EPHA6: variants seen among roughly 807,000 people sequenced by gnomAD.
The protein encoded by EPHA6 is EPH receptor A6, also known as ephrin type-A receptor 6.
EPHA6 carries 50 observed loss-of-function variants against 112.0 expected under a neutral mutation model. The observed-to-expected ratio is 0.45, with a 90% CI of 0.36 to 0.56. EPHA6 has a LOEUF of 0.56. Ranked by LOEUF, EPHA6 falls within the 20% of genes least tolerant of loss-of-function variation. The pLI is 0.00. For missense variants in EPHA6, 1,280 were observed against 1,417.4 expected (o/e 0.90, Z 1.56); for synonymous variants, 529 against 490.7 (o/e 1.08, Z -1.03).
chr3:97,098,043 TCA>T (rs1382060986), intron 3 of EPHA6, among the ~76,000 whole-genome samples: 1 of 151,968 alleles, frequency 6.6e-6, no homozygotes, highest in African/African-American at 2.4e-5. Context: ...ATAATGGCAC[TCA>T]CATAATATTT....
chr3:96,987,985 C>A lies in EPHA6; in HGVS notation c.1106C>A (p.Ser369Tyr). Residue 369 changes from serine to tyrosine, a missense_variant, in exon 3 of 18, where the codon TCT becomes TAT. By Grantham distance (144) the Ser-to-Tyr change is moderately radical. Around this residue, in one of 4 missense-constraint regions of EPHA6, gnomAD observed 878 missense variants for 999.7 expected, o/e 0.88. Coordinates refer to ENST00000389672, the MANE Select transcript of EPHA6 (RefSeq NM_001080448.3). ...CSTGYEEIEG[S>Y]CHACRPGFYK... is the part of the protein sequence containing the mutation. Reference sequence around the variant, plus strand: ...ACAGGATATGAAGAAATTGAGGGTTCTTGCCATGGTAAGAAACAAACATTT... The same window carrying A: ...ACAGGATATGAAGAAATTGAGGGTTATTGCCATGGTAAGAAACAAACATTT... The A allele has an allele frequency of 6.5e-7, 1 of 1,549,138 alleles. No individual in the cohort carries two copies. Among genetic ancestry groups the A allele is most frequent in the South Asian group, 1.2e-5 (1 of 80,618 alleles).
intron 16 of EPHA6, among the ~76,000 whole-genome samples, chr3:97,737,975 T>G (rs1247540315): frequency 1.3e-5 from 2 of 152,064 alleles, no homozygotes; most frequent in Non-Finnish European, 2.9e-5. Flanking sequence ...GAGTATAATG[T>G]CCAAGCCTTC....
intron 14 of EPHA6, among the ~76,000 whole-genome samples, chr3:97,691,323 C>T (rs1488270122): frequency 6.6e-6 from 1 of 152,216 alleles, no homozygotes; most frequent in Non-Finnish European, 1.5e-5. Flanking sequence ...TGCAGTCCCA[C>T]AGTGTCTTGA....
chr3:97,231,189 G>A (rs2078514269), intron 4 of EPHA6, among the ~76,000 whole-genome samples: 1 of 152,102 alleles, frequency 6.6e-6, no homozygotes, highest in Non-Finnish European at 1.5e-5. Flanking sequence ...TGTTATCAAT[G>A]ATCCAAAGAG....
intron 11 of EPHA6, among the ~76,000 whole-genome samples, chr3:97,564,228 T>A (rs2093230461): frequency 1.3e-5 from 2 of 152,150 alleles, no homozygotes; most frequent in South Asian, 4.1e-4. Flanking sequence ...TATTTATTAT[T>A]ATAATAATTC....
At chr3:97,107,508 T>C (rs970693949) in intron 3 of EPHA6, among the ~76,000 whole-genome samples, 5 of 152,200 alleles carry the variant, frequency 3.3e-5, no homozygotes, top group Admixed American at 2.0e-4. Context: ...AAAAAGTCTT[T>C]CATAAGCTAA....
intron 3 of EPHA6, among the ~76,000 whole-genome samples, chr3:97,065,863 G>C (rs1012686990): frequency 3.0e-4 from 45 of 151,770 alleles, no homozygotes; most frequent in African/African-American, 1.1e-3. Flanking sequence ...AGAAATATTT[G>C]TAAAAGCAAC....
At chr3:97,418,110 A>G (rs1245716659) in intron 6 of EPHA6, among the ~76,000 whole-genome samples, 1 of 151,878 alleles carries the variant, frequency 6.6e-6, no homozygotes, top group Non-Finnish European at 1.5e-5. Flanking sequence ...AAGAATAAGC[A>G]GATTGGGGGA....
intron 10 of EPHA6, among the ~76,000 whole-genome samples, chr3:97,511,039 C>A (rs183857387): frequency 6.2e-4 from 95 of 152,252 alleles, no homozygotes; most frequent in African/African-American, 2.2e-3. Flanking sequence ...GCCCCTCCCC[C>A]CCACCAAGCT....
intron 14 of EPHA6, among the ~76,000 whole-genome samples, chr3:97,697,543 T>C (rs991604925): frequency 3.3e-5 from 5 of 152,152 alleles, no homozygotes; most frequent in Non-Finnish European, 7.4e-5. Context: ...TCAAGAAATG[T>C]TTCAGGGTCA....
At chr3:97,440,647 T>C (rs1483889962) in intron 6 of EPHA6, among the ~76,000 whole-genome samples, 3 of 151,270 alleles carry the variant, frequency 2.0e-5, no homozygotes, top group Non-Finnish European at 4.4e-5. Context: ...TTATGAACTA[T>C]TTAAAATGAA....
At chr3:97,496,013 C>G (rs2091968737) in intron 10 of EPHA6, among the ~76,000 whole-genome samples, 1 of 152,110 alleles carries the variant, frequency 6.6e-6, no homozygotes, top group Admixed American at 6.6e-5. Flanking sequence ...AGAACTAAAT[C>G]AAAATAACAG....
intron 3 of EPHA6, among the ~76,000 whole-genome samples, chr3:97,076,180 G>T (rs983718226): frequency 6.6e-6 from 1 of 152,130 alleles, no homozygotes; most frequent in Non-Finnish European, 1.5e-5. Context: ...GCCAAAAAAG[G>T]CTCAAAGCTA....
chr3:96,962,803 T>C (rs954520099), intron 2 of EPHA6, among the ~76,000 whole-genome samples: 1 of 152,042 alleles, frequency 6.6e-6, no homozygotes, highest in Non-Finnish European at 1.5e-5. Flanking sequence ...TTCTTGATAG[T>C]AGTTTACCAA....
intron 1 of EPHA6, among the ~76,000 whole-genome samples, chr3:96,866,329 A>C (rs2036308415): frequency 6.6e-6 from 1 of 152,054 alleles, no homozygotes; most frequent in African/African-American, 2.4e-5. Flanking sequence ...GTATATAATA[A>C]TAATGTAGTC....
At chr3:97,508,796 T>C (rs189231517) in intron 10 of EPHA6, among the ~76,000 whole-genome samples, 1 of 152,174 alleles carries the variant, frequency 6.6e-6, no homozygotes, top group African/African-American at 2.4e-5. Context: ...AGTCTAAGTC[T>C]CTTCGTAGGT....
At chr3:97,508,603 C>A (rs532336507) in intron 10 of EPHA6, among the ~76,000 whole-genome samples, 1 of 151,928 alleles carries the variant, frequency 6.6e-6, no homozygotes, top group Non-Finnish European at 1.5e-5. Flanking sequence ...AGAGTAAGTG[C>A]GATGTGGTGC....
intron 14 of EPHA6, among the ~76,000 whole-genome samples, chr3:97,673,865 C>A (rs1012650852): frequency 6.6e-6 from 1 of 152,174 alleles, no homozygotes; most frequent in Admixed American, 6.5e-5. Context: ...CTCTTGCTTT[C>A]GCAATAATTT....
intron 14 of EPHA6, among the ~76,000 whole-genome samples, chr3:97,663,699 G>A (rs1161003324): frequency 6.6e-6 from 1 of 152,092 alleles, no homozygotes; most frequent in Non-Finnish European, 1.5e-5. Flanking sequence ...ATTCCATGGT[G>A]TATATGTGCC....
Sources: allele counts gnomAD v4.1 joint callset (sites outside exome capture counted in the v4.1 genomes callset), GRCh38; gene constraint gnomAD v4.1.1; regional missense constraint gnomAD v4.1.1; transcripts MANE v1.5; gene names NCBI Gene and HGNC (gene_info 2026-07-23, HGNC 2026-07-21).